The following ZNF521 variants were observed in gnomAD, a reference collection of about 807,000 sequenced individuals.
The protein encoded by ZNF521 is zinc finger protein 521.
In ZNF521, 14 loss-of-function variants were observed where a neutral mutation model predicts 105.5. The observed-to-expected ratio is 0.13, with a 90% CI of 0.09 to 0.21. The LOEUF is 0.21. Ranked by LOEUF, ZNF521 falls within the 10% of genes least tolerant of loss-of-function variation. The pLI is 1.00. For missense variants in ZNF521, 1,233 were observed against 1,629.7 expected (o/e 0.76, Z 4.19); for synonymous variants, 635 against 606.0 (o/e 1.05, Z -0.70).
intron 3 of ZNF521, among the ~76,000 whole-genome samples, chr18:25,235,741 G>A (rs1474032206): frequency 6.6e-6 from 1 of 152,092 alleles, no homozygotes; most frequent in Non-Finnish European, 1.5e-5. Flanking sequence ...ATGAATTTTC[G>A]GCAGCCTGAA....
At chr18:25,195,604 T>A (rs1280427387) in intron 4 of ZNF521, among the ~76,000 whole-genome samples, 2 of 151,552 alleles carry the variant, frequency 1.3e-5, no homozygotes, top group African/African-American at 2.4e-5. Context: ...CAGAAACCAG[T>A]GTCTTTGAAG....
At chr18:25,340,268 T>C (rs1914124221) in intron 2 of ZNF521, among the ~76,000 whole-genome samples, 1 of 152,044 alleles carries the variant, frequency 6.6e-6, no homozygotes, top group African/African-American at 2.4e-5. Context: ...GGTGAGAGGA[T>C]CGCTTGAACC....
intron 2 of ZNF521, among the ~76,000 whole-genome samples, chr18:25,331,535 C>T (rs1295212189): frequency 6.6e-6 from 1 of 152,148 alleles, no homozygotes; most frequent in Non-Finnish European, 1.5e-5. Context: ...GTCTTAGTAG[C>T]ACAGTTAGAA....
At chr18:25,196,862 A>G (rs1305337859) in intron 4 of ZNF521, among the ~76,000 whole-genome samples, 1 of 151,840 alleles carries the variant, frequency 6.6e-6, no homozygotes, top group East Asian at 1.9e-4. Context: ...GCATACTTCT[A>G]GCATTATTCC....
chr18:25,303,291 TG>T (rs1911750498), intron 3 of ZNF521, among the ~76,000 whole-genome samples: 2 of 112,520 alleles, frequency 1.8e-5, no homozygotes, highest in Non-Finnish European at 3.5e-5. Context: ...TGTGTGTGTG[TG>T]TGTGTGTGTG....
At chr18:25,210,121 AT>A (rs2036153047) in intron 4 of ZNF521, among the ~76,000 whole-genome samples, 1 of 152,138 alleles carries the variant, frequency 6.6e-6, no homozygotes, top group African/African-American at 2.4e-5. Flanking sequence ...TACATACTAT[AT>A]AAATGATTTA....
At chr18:25,125,272 A>G (rs1416574569) in intron 5 of ZNF521, among the ~76,000 whole-genome samples, 1 of 152,150 alleles carries the variant, frequency 6.6e-6, no homozygotes, top group Non-Finnish European at 1.5e-5. Flanking sequence ...TCTTATATTT[A>G]TCTAATTTAT....
intron 7 of ZNF521, among the ~76,000 whole-genome samples, chr18:25,066,378 C>A (rs930529606): frequency 1.3e-5 from 2 of 152,182 alleles, no homozygotes; most frequent in Non-Finnish European, 2.9e-5. Context: ...TCTCCTCCCC[C>A]ACGCAGTATT....
At chr18:25,212,393 T>C (rs1418121918) in intron 4 of ZNF521, among the ~76,000 whole-genome samples, 2 of 149,030 alleles carry the variant, frequency 1.3e-5, no homozygotes, top group South Asian at 4.2e-4. Context: ...ACCTGTAGTC[T>C]CAGCTACTTG....
chr18:25,104,732 T>C (rs2034036863), intron 5 of ZNF521, among the ~76,000 whole-genome samples: 2 of 152,170 alleles, frequency 1.3e-5, no homozygotes, highest in South Asian at 2.1e-4. Context: ...GGGTCTGATC[T>C]GAACCAGTAA....
intron 5 of ZNF521, among the ~76,000 whole-genome samples, chr18:25,191,699 T>A (rs1317696945): frequency 1.3e-5 from 2 of 152,218 alleles, no homozygotes; most frequent in Non-Finnish European, 2.9e-5. Context: ...TATTATCTGA[T>A]GCCTAACAGC....
chr18:25,243,505 G>A (rs1907493851), intron 3 of ZNF521, among the ~76,000 whole-genome samples: 1 of 152,224 alleles, frequency 6.6e-6, no homozygotes. Flanking sequence ...GAGTCACTCT[G>A]TATCAGCAGA....
At chr18:25,089,321 C>G in intron 7 of ZNF521, 144 bp downstream of exon 7, 2 of 635,884 alleles carry the variant, frequency 3.1e-6, no homozygotes, top group Non-Finnish European at 5.5e-6. Flanking sequence ...AATCCAGGCT[C>G]TAATTTTCCC....
At chr18:25,125,007 G>C (rs1440667885) in intron 5 of ZNF521, among the ~76,000 whole-genome samples, 1 of 152,096 alleles carries the variant, frequency 6.6e-6, no homozygotes, top group African/African-American at 2.4e-5. Context: ...CCATTTATGA[G>C]CACAGTATAT....
chr18:25,232,672 GC>G (rs1416058565), intron 3 of ZNF521, among the ~76,000 whole-genome samples: 2 of 152,184 alleles, frequency 1.3e-5, no homozygotes, highest in Non-Finnish European at 2.9e-5. Flanking sequence ...GTCTTTACAG[GC>G]AGGTAACCTT....
intron 5 of ZNF521, among the ~76,000 whole-genome samples, chr18:25,127,412 C>G (rs1322060424): frequency 6.6e-6 from 1 of 151,942 alleles, no homozygotes; most frequent in Non-Finnish European, 1.5e-5. Flanking sequence ...GATCTACATC[C>G]TCTACATGTA....
At chr18:25,174,152 C>T (rs929606470) in intron 5 of ZNF521, among the ~76,000 whole-genome samples, 9 of 152,052 alleles carry the variant, frequency 5.9e-5, no homozygotes, top group Non-Finnish European at 1.2e-4. Context: ...TATATGTATA[C>T]CTTTCTAGAA....
At chr18:25,263,144 T>C (rs1463596791) in intron 3 of ZNF521, among the ~76,000 whole-genome samples, 2 of 152,188 alleles carry the variant, frequency 1.3e-5, no homozygotes, top group Non-Finnish European at 2.9e-5. Flanking sequence ...AAAACCAAGG[T>C]CAGAATGAGT....
At chr18:25,338,050 T>A (rs1913987732) in intron 2 of ZNF521, among the ~76,000 whole-genome samples, 2 of 152,178 alleles carry the variant, frequency 1.3e-5, no homozygotes, top group Admixed American at 1.3e-4. Flanking sequence ...CATCACAATT[T>A]AAGATTGGCC....
Sources: gnomAD v4.1 joint callset for allele counts (sites outside exome capture counted in the v4.1 genomes callset) on GRCh38, gnomAD v4.1.1 for gene constraint, MANE v1.5 for transcripts, NCBI Gene and HGNC (gene_info 2026-07-23, HGNC 2026-07-21) for gene names.